TIGAR: variants seen among roughly 807,000 people sequenced by gnomAD.
The protein encoded by TIGAR is TP53 induced glycolysis regulatory phosphatase.
In TIGAR, 7 loss-of-function variants were observed where a neutral mutation model predicts 17.9. The ratio of observed to expected loss-of-function variants is 0.39; its 90% confidence interval spans 0.22 to 0.73. The LOEUF is 0.73. Ranked by LOEUF, TIGAR falls within the 30% of genes least tolerant of loss-of-function variation. The pLI is 0.42. For synonymous variants in TIGAR, 94 were observed against 108.6 expected (o/e 0.87, Z 0.84); for missense variants, 258 against 327.4 (o/e 0.79, Z 1.64).
At chr12:4,344,008 G>T (rs1864753036) in intron 3 of TIGAR, among the ~76,000 whole-genome samples, 2 of 151,818 alleles carry the variant, frequency 1.3e-5, no homozygotes, top group South Asian at 4.1e-4. Flanking sequence ...AAAGAGAGAA[G>T]AATCAAATGG....
intron 1 of TIGAR, among the ~76,000 whole-genome samples, chr12:4,323,241 C>T (rs1365724443): frequency 2.6e-5 from 4 of 151,938 alleles, no homozygotes. Context: ...GGCCACTGCA[C>T]CCCAGCCTAA....
chr12:4,352,850 CA>C lies in TIGAR; in HGVS notation c.*160del, dbSNP rs1864852403. 7 of 629,958 alleles carry C rather than the reference CA, an allele frequency of 1.1e-5. No individual in the cohort carries two copies. In the South Asian group the frequency reaches 1.6e-4, roughly 15 times the overall value. The allele number at this position is 629,958 out of a possible 1,614,324, so 39.0% of individuals were successfully genotyped here. A position where few individuals can be genotyped will look rare whatever the true frequency, so the allele number is the denominator to read the frequency against. ...GCCACATAAAACTTTAATGGACAAC[CA>C]TATAGAATTAACTTATTTTGTCCAA... On this transcript the variant is annotated 3_prime_UTR_variant, in exon 6 of 6. Transcript: ENST00000179259.
intron 2 of TIGAR, among the ~76,000 whole-genome samples, chr12:4,336,345 AT>A: frequency 6.6e-6 from 1 of 150,942 alleles, no homozygotes; most frequent in Non-Finnish European, 1.5e-5. Flanking sequence ...CACCACCTTC[AT>A]TTTTTTCATG....
intron 3 of TIGAR, among the ~76,000 whole-genome samples, chr12:4,342,502 C>G (rs561638488): frequency 6.6e-6 from 1 of 152,126 alleles, no homozygotes; most frequent in Non-Finnish European, 1.5e-5. Context: ...TCAGGTTACC[C>G]ACAAAGGGAA....
chr12:4,340,358 C>T (rs1221626278), intron 3 of TIGAR, among the ~76,000 whole-genome samples: 5 of 152,044 alleles, frequency 3.3e-5, no homozygotes, highest in Non-Finnish European at 1.5e-5. Context: ...GAAAGAGCTC[C>T]ACAAGGAAAA....
rs1326734188 is a variant in TIGAR, at chr12:4,321,688, G to C, written c.32+385G>C. ...TTGCAAAGAGTTTGCAGAATTGCTC[G>C]TCCATGGCTGATGTTTTTGATGCCG... On this transcript the variant is annotated intron_variant, in intron 1 of 5. Transcript: ENST00000179259. This position sits in a 1 kb window ranked among gnomAD's most constrained non-coding sequence, Gnocchi z 5.2. Among the ~76,000 whole-genome samples the C allele has an allele frequency of 6.6e-6, 1 of 152,148 alleles. No homozygotes were observed. The highest frequency in any genetic ancestry group is 1.5e-5 in the Non-Finnish European group (1 of 68,030).
intron 1 of TIGAR, chr12:4,324,751 A>C (rs376324948): frequency 3.1e-5 from 22 of 713,634 alleles, no homozygotes; most frequent in Admixed American, 8.3e-5. Context: ...AGCTGGTCCA[A>C]GTCTGTGCCG....
chr12:4,349,140 A>AT (rs35526823), intron 3 of TIGAR, among the ~76,000 whole-genome samples: 9 of 151,518 alleles, frequency 5.9e-5, no homozygotes, highest in Admixed American at 6.6e-5. Context: ...CCAGATAGTA[A>AT]TTTTTTTTTA....
intron 2 of TIGAR, among the ~76,000 whole-genome samples, chr12:4,335,852 C>A (rs1185781683): frequency 6.6e-6 from 1 of 152,228 alleles, no homozygotes; most frequent in African/African-American, 2.4e-5. Flanking sequence ...AACCTCCTTT[C>A]ATCTGAATCT....
At chr12:4,347,115 T>G (rs1451441155) in intron 3 of TIGAR, among the ~76,000 whole-genome samples, 2 of 152,234 alleles carry the variant, frequency 1.3e-5, no homozygotes, top group Non-Finnish European at 2.9e-5. Flanking sequence ...ATTGCAGCAC[T>G]TTTTACAGTA....
At chr12:4,333,191 C>T (rs1007326262) in intron 2 of TIGAR, among the ~76,000 whole-genome samples, 1 of 152,044 alleles carries the variant, frequency 6.6e-6, no homozygotes, top group Non-Finnish European at 1.5e-5. Context: ...ATGTATTTTT[C>T]CATCTCATTC....
intron 4 of TIGAR, among the ~76,000 whole-genome samples, chr12:4,350,677 T>C (rs1483482729): frequency 6.6e-6 from 1 of 150,842 alleles, no homozygotes; most frequent in Non-Finnish European, 1.5e-5. Context: ...CTCGGGAGGC[T>C]GAGGCAAGAG....
rs1374495588 is a variant in TIGAR at position 4,359,286 on chromosome 12, A to C, written c.*6595A>C. Among the ~76,000 whole-genome samples the C allele has an allele frequency of 2.6e-5, 4 of 152,168 alleles. No individual in the cohort carries two copies. Among genetic ancestry groups the C allele is most frequent in the Non-Finnish European group, 5.9e-5 (4 of 68,028 alleles). ...TACTCTTATTATTTTATGGTTACACAGTCCCAACTTTGTCCTGTGGGAACC... is the reference window on the plus strand; with the variant it reads ...TACTCTTATTATTTTATGGTTACACCGTCCCAACTTTGTCCTGTGGGAACC... On this transcript the variant is annotated 3_prime_UTR_variant, in exon 6 of 6. Transcript: ENST00000179259.
Position 4,352,814 on chromosome 12 carries a change from G to A in TIGAR, c.*123G>A, listed in dbSNP as rs1864851961. ...AGTTAAAAGCCAATTTTTAGCTCCA[G>A]TGGAACCATAGCCACATAAAACTTT... On this transcript the variant is annotated 3_prime_UTR_variant, in exon 6 of 6. Coordinates refer to ENST00000179259, the MANE Select transcript of TIGAR (RefSeq NM_020375.3). 2 of 845,598 alleles carry A rather than the reference G, an allele frequency of 2.4e-6. No individual in the cohort carries two copies. The highest frequency in any genetic ancestry group is 5.8e-5 in the Admixed American group (2 of 34,674). 52.4% of individuals were successfully genotyped at this position (845,598 alleles called of 1,614,324 possible). A position where few individuals can be genotyped will look rare whatever the true frequency, so the allele number is the denominator to read the frequency against.
chr12:4,344,849 T>C (rs1864762739), intron 3 of TIGAR, among the ~76,000 whole-genome samples: 1 of 152,172 alleles, frequency 6.6e-6, no homozygotes, highest in Admixed American at 6.5e-5. Flanking sequence ...GATGACATGA[T>C]TGTATATCTA....
chr12:4,336,896 T>G, intron 2 of TIGAR, 143 bp from the exon 3 acceptor site: 1 of 942,674 alleles, frequency 1.1e-6, no homozygotes, highest in Non-Finnish European at 1.5e-6. Context: ...TGCTAATAAC[T>G]CCCTGAAAAG....
rs1215900800 is a variant in TIGAR at position 4,359,083 on chromosome 12, C to T, written c.*6392C>T. Among the ~76,000 whole-genome samples, 1 of 141,802 alleles carries T rather than the reference C, an allele frequency of 7.1e-6. No individual in the cohort carries two copies. The highest frequency in any genetic ancestry group is 1.5e-5 in the Non-Finnish European group (1 of 66,066). 93.0% of individuals were successfully genotyped at this position (141,802 alleles called of 152,430 possible). A position where few individuals can be genotyped will look rare whatever the true frequency, so the allele number is the denominator to read the frequency against. The stretch of plus-strand genomic sequence containing the variant: ...TTAAATTTGCAACTACTCTTTTAGC[C>T]TTTATTGTTTATTTTCTGACTCTGT... On this transcript the variant is annotated 3_prime_UTR_variant, in exon 6 of 6. Coordinates refer to ENST00000179259, the MANE Select transcript of TIGAR (RefSeq NM_020375.3).
chr12:4,341,193 GA>G (rs1394589425), intron 3 of TIGAR, among the ~76,000 whole-genome samples: 5 of 151,842 alleles, frequency 3.3e-5, no homozygotes, highest in Admixed American at 1.3e-4. Flanking sequence ...AACTTTATAG[GA>G]AAAAATCTAA....
intron 2 of TIGAR, among the ~76,000 whole-genome samples, chr12:4,336,446 GCACACACACACA>G (rs10595001): frequency 2.5e-3 from 347 of 138,550 alleles, no homozygotes; most frequent in East Asian, 8.0e-3. Context: ...CAGCAATGCA[GCACACACACACA>G]CACACACACA....
Sources: gnomAD v4.1 joint callset for allele counts (sites outside exome capture counted in the v4.1 genomes callset) on GRCh38, gnomAD v4.1.1 for gene constraint, Gnocchi (gnomAD v3.1) non-coding constraint, MANE v1.5 for transcripts, NCBI Gene and HGNC (gene_info 2026-07-23, HGNC 2026-07-21) for gene names.